NEK6: variants seen among roughly 807,000 people sequenced by gnomAD.
NEK6 encodes NIMA related kinase 6, also known as serine/threonine-protein kinase Nek6.
In NEK6, 27 loss-of-function variants were observed where a neutral mutation model predicts 43.5. That is an observed-to-expected ratio of 0.62 (90% CI 0.46 to 0.86). The LOEUF (loss-of-function observed/expected upper bound fraction) is 0.86. Among genes scored for constraint, NEK6 ranks in the 40% least tolerant of loss-of-function variants. The pLI is 0.00. For synonymous variants in NEK6, 167 were observed against 164.1 expected (o/e 1.02, Z -0.14); for missense variants, 318 against 414.4 (o/e 0.77, Z 2.02).
intron 1 of NEK6, chr9:124,292,291 G>A (rs1832460432): frequency 1.5e-6 from 2 of 1,345,438 alleles, no homozygotes; most frequent in Admixed American, 2.8e-5. Flanking sequence ...AACCTGACAG[G>A]ACCTTTGCCA....
intron 1 of NEK6, among the ~76,000 whole-genome samples, chr9:124,284,328 G>T (rs61447474): frequency 6.6e-6 from 1 of 152,126 alleles, no homozygotes. Flanking sequence ...CATACTGGGC[G>T]AAGACCGAGA....
intron 1 of NEK6, among the ~76,000 whole-genome samples, chr9:124,276,011 G>C (rs1831635360): frequency 6.6e-6 from 1 of 152,188 alleles, no homozygotes; most frequent in African/African-American, 2.4e-5. Flanking sequence ...AAGGTTTTGA[G>C]CAGGGGAGTG....
At chr9:124,262,584 C>G (rs555050164) in intron 1 of NEK6, among the ~76,000 whole-genome samples, 1 of 152,354 alleles carries the variant, frequency 6.6e-6, no homozygotes, top group South Asian at 2.1e-4. Context: ...TGGCCTCCAG[C>G]AAGGGCAGGA....
rs1208871187 is a variant in NEK6, at chr9:124,341,436, G to GT, written c.717+1772dup. On this transcript the variant is annotated intron_variant, in intron 8 of 9. Coordinates refer to ENST00000320246, the MANE Select transcript of NEK6 (RefSeq NM_014397.6). Reference sequence around the variant, plus strand: ...CTCAGCAGATGCAGGTGACAAGAGGGTGGGACCCCTTCTCCCAGGGCTCAG... The same window carrying GT: ...CTCAGCAGATGCAGGTGACAAGAGGGTTGGGACCCCTTCTCCCAGGGCTCAG... Among the ~76,000 whole-genome samples the GT allele has an allele frequency of 4.9e-4, 3 of 6,130 alleles. No individual in the cohort carries two copies. The Non-Finnish European group carries it at 6.2e-3, about 13-fold the overall frequency. The allele number at this position is 6,130 out of a possible 152,430, so 4.0% of individuals were successfully genotyped here. A position where few individuals can be genotyped will look rare whatever the true frequency, so the allele number is the denominator to read the frequency against.
At chr9:124,323,601 G>C (rs1479767327) in intron 5 of NEK6, among the ~76,000 whole-genome samples, 1 of 152,138 alleles carries the variant, frequency 6.6e-6, no homozygotes, top group Non-Finnish European at 1.5e-5. Flanking sequence ...GTGGAGCCCA[G>C]ACACTGTGGC....
At chr9:124,331,085 A>C (rs1828961565) in intron 7 of NEK6, among the ~76,000 whole-genome samples, 1 of 152,056 alleles carries the variant, frequency 6.6e-6, no homozygotes, top group Non-Finnish European at 1.5e-5. Context: ...CAATATGGTG[A>C]AACCTCGTCG....
intron 1 of NEK6, among the ~76,000 whole-genome samples, chr9:124,263,866 C>T (rs1052778149): frequency 6.6e-6 from 1 of 152,240 alleles, no homozygotes; most frequent in Non-Finnish European, 1.5e-5. Flanking sequence ...CTCGTTCCCA[C>T]CTGTCCCCAC....
At chr9:124,267,735 A>G (rs1831282036) in intron 1 of NEK6, among the ~76,000 whole-genome samples, 1 of 152,246 alleles carries the variant, frequency 6.6e-6, no homozygotes. Context: ...GCCATTCAGC[A>G]AGGGACGGCT....
At chr9:124,310,832 C>T (rs530595254) in intron 2 of NEK6, among the ~76,000 whole-genome samples, 72 of 152,234 alleles carry the variant, frequency 4.7e-4, no homozygotes, top group South Asian at 1.5e-3. Flanking sequence ...AGTGATCGCC[C>T]GCCTCGGCCT....
chr9:124,322,812 G>A (rs7864103), intron 5 of NEK6, among the ~76,000 whole-genome samples: 7,972 of 152,314 alleles, frequency 0.052, 673 homozygotes, highest in African/African-American at 0.18. Flanking sequence ...TGGGGATTGA[G>A]CAATTGCTCA....
intron 7 of NEK6, among the ~76,000 whole-genome samples, chr9:124,331,185 G>T (rs1205160867): frequency 7.0e-6 from 1 of 142,086 alleles, no homozygotes; most frequent in African/African-American, 2.6e-5. Context: ...AGAATTGCTT[G>T]AACCCGGCAG....
At chr9:124,269,715 C>A (rs1257417230) in intron 1 of NEK6, among the ~76,000 whole-genome samples, 1 of 152,108 alleles carries the variant, frequency 6.6e-6, no homozygotes, top group Non-Finnish European at 1.5e-5. Context: ...GGCAGGGAGT[C>A]GTGTGGAAGG....
chr9:124,292,383 A>G (rs1251194026), intron 1 of NEK6: 3 of 1,519,098 alleles, frequency 2.0e-6, no homozygotes, highest in African/African-American at 1.4e-5. Context: ...CTGAGTTTCC[A>G]GGGAAGCAGA....
At chr9:124,291,905 C>T (rs4838153) in intron 1 of NEK6, 144,408 of 985,362 alleles carry the variant, frequency 0.15, 10,812 homozygotes, top group East Asian at 0.15. Context: ...TTCCTTTTGG[C>T]GGTGTCTGGG....
intron 8 of NEK6, among the ~76,000 whole-genome samples, chr9:124,341,832 T>A (rs982491337): frequency 6.6e-6 from 1 of 152,174 alleles, no homozygotes. Flanking sequence ...GTCCAAACTC[T>A]TCTGAGACAG....
chr9:124,277,631 C>G (rs895475642), intron 1 of NEK6, among the ~76,000 whole-genome samples: 3 of 152,248 alleles, frequency 2.0e-5, no homozygotes, highest in African/African-American at 7.2e-5. Context: ...CTGTGACGCT[C>G]CCAGCACTGC....
At chr9:124,341,555 C>T (rs963409341) in intron 8 of NEK6, among the ~76,000 whole-genome samples, 1 of 152,092 alleles carries the variant, frequency 6.6e-6, no homozygotes. Context: ...CACAGGGCAT[C>T]GGTTGCAGGA....
At position 124,324,309 on chromosome 9, in the gene NEK6, G is replaced by T. The variant is rs912444943; in HGVS notation, c.406-2021G>T. Among the ~76,000 whole-genome samples, 1 of 152,216 alleles carries T rather than the reference G, an allele frequency of 6.6e-6. No homozygotes were observed. The highest frequency in any genetic ancestry group is 1.5e-5 in the Non-Finnish European group (1 of 68,040). ...CCTCTGGGTTTCCAGAGGAACAGGG[G>T]ATACCCCATGGTCGCCCCACTGGCC... On this transcript the variant is annotated intron_variant, in intron 5 of 9. Coordinates refer to ENST00000320246, the MANE Select transcript of NEK6 (RefSeq NM_014397.6). The surrounding 1 kb of genome is among the most constrained non-coding windows in gnomAD (Gnocchi z 5.3).
chr9:124,340,388 T>A (rs1395667817), intron 8 of NEK6, among the ~76,000 whole-genome samples: 1 of 152,176 alleles, frequency 6.6e-6, no homozygotes, highest in African/African-American at 2.4e-5. Context: ...GAGGGAGGCC[T>A]AAGTTCTCCG....
Sources: allele counts gnomAD v4.1 joint callset (sites outside exome capture counted in the v4.1 genomes callset), GRCh38; gene constraint gnomAD v4.1.1; non-coding constraint Gnocchi (gnomAD v3.1); transcripts MANE v1.5; gene names NCBI Gene and HGNC (gene_info 2026-07-23, HGNC 2026-07-21).